The following CFAP74 variants were observed in gnomAD, a reference collection of about 807,000 sequenced individuals.
CFAP74 encodes cilia and flagella associated protein 74.
A neutral mutation model predicts 188.9 loss-of-function variants in CFAP74; 124 were observed. The ratio of observed to expected loss-of-function variants is 0.66; its 90% CI spans 0.57 to 0.76. CFAP74 has a LOEUF of 0.76. CFAP74 is among the 30% of genes least tolerant of loss of function. The probability of loss-of-function intolerance (pLI) is 0.00; values close to 1 mark genes in which losing one functional copy is unlikely to be tolerated. For missense variants in CFAP74, 2,198 were observed against 2,165.2 expected (o/e 1.02, Z -0.30); for synonymous variants, 956 against 916.7 (o/e 1.04, Z -0.77).
chr1:1,970,598 T>C (rs1379093285), intron 10 of CFAP74, 61 bp downstream of exon 10: 2 of 1,533,156 alleles, frequency 1.3e-6, no homozygotes, highest in African/African-American at 2.7e-5. Flanking sequence ...CCCCCTTGGC[T>C]CTCCCTGCAC....
chr1:1,933,888 C>T (rs1652611062), intron 25 of CFAP74, among the ~76,000 whole-genome samples: 1 of 152,186 alleles, frequency 6.6e-6, no homozygotes, highest in Non-Finnish European at 1.5e-5. Context: ...GATTTTCACA[C>T]CCTCTTTTCT....
At position 1,942,794 on chromosome 1, in the gene CFAP74, T is replaced by C. The variant is rs575119736; in HGVS notation, c.2487-638A>G. Among the ~76,000 whole-genome samples the C allele has an allele frequency of 6.6e-6, 1 of 152,202 alleles. No individual in the cohort carries two copies. Among genetic ancestry groups the C allele is most frequent in the South Asian group, 2.1e-4 (1 of 4,822 alleles). On this transcript the variant is annotated intron_variant, in intron 21 of 38. Transcript: ENST00000682832. This position sits in a 1 kb window ranked among gnomAD's most constrained non-coding sequence, Gnocchi z 4.3. ...CTCCCCTCCCCCGTCTTGGAGCCTC[T>C]GCTAAACAGTGTTGTGGCCGCCCCG...
At chr1:1,940,277 G>T (rs764917618) in intron 23 of CFAP74, 39 bp downstream of exon 23, 1 of 1,480,784 alleles carries the variant, frequency 6.8e-7, no homozygotes, top group South Asian at 1.2e-5. Flanking sequence ...CTGCTACCCA[G>T]GAGCGCCCAG....
At chr1:1,963,954 C>T in intron 13 of CFAP74, 87 bp from the exon 14 acceptor site, 2 of 849,056 alleles carry the variant, frequency 2.4e-6, no homozygotes, top group South Asian at 1.4e-5. Context: ...AAGGTAACCG[C>T]TGGTGAGCAT....
intron 6 of CFAP74, among the ~76,000 whole-genome samples, chr1:1,979,272 C>T (rs779213785): frequency 1.5e-5 from 1 of 68,300 alleles, no homozygotes; most frequent in Non-Finnish European, 3.3e-5. Flanking sequence ...CGTGGGAAGG[C>T]GTCATGTGAC....
At position 1,923,275 on chromosome 1, in the gene CFAP74, C is replaced by G. The variant is rs953572129; in HGVS notation, c.4522+92G>C. 1 of 1,498,308 alleles carries G rather than the reference C, an allele frequency of 6.7e-7. No individual in the cohort carries two copies. The highest frequency in any genetic ancestry group is 9.0e-7 in the Non-Finnish European group (1 of 1,115,820). The allele number at this position is 1,498,308 out of a possible 1,614,324, so 92.8% of individuals were successfully genotyped here. On this transcript the variant is annotated intron_variant, in intron 36 of 38. Coordinates refer to ENST00000682832, the MANE Select transcript of CFAP74 (RefSeq NM_001304360.2). The surrounding 1 kb of genome is among the most constrained non-coding windows in gnomAD (Gnocchi z 6.3). The stretch of plus-strand genomic sequence containing the variant: ...CTCTGGGGTAGAAGGCTGGGAATCC[C>G]TGCCCTGCTCCGCTGGGTCTCGGGG...
chr1:1,968,940 C>G lies in CFAP74; in HGVS notation c.1047-107G>C. ...CTCCCTAGCGCCCTCCTGGGGGCTC[C>G]GGTCCTGCCCAGCAGCCCCAGGTGA... On this transcript the variant is annotated intron_variant, in intron 10 of 38. Transcript: ENST00000682832. The surrounding 1 kb of genome is among the most constrained non-coding windows in gnomAD (Gnocchi z 4.3). The G allele has an allele frequency of 3.4e-6, 2 of 587,898 alleles. No homozygotes were observed. Among genetic ancestry groups the G allele is most frequent in the Non-Finnish European group, 5.2e-6 (2 of 382,490 alleles). The allele number at this position is 587,898 out of a possible 1,614,324, so 36.4% of individuals were successfully genotyped here.
intron 10 of CFAP74, among the ~76,000 whole-genome samples, chr1:1,969,283 C>T (rs1203843958): frequency 1.4e-5 from 2 of 140,016 alleles, no homozygotes; most frequent in African/African-American, 2.7e-5. Context: ...CTGCCCTGCC[C>T]AGCCCAGGCC....
chr1:1,943,406 C>T (rs926130800), intron 21 of CFAP74, among the ~76,000 whole-genome samples: 1 of 152,220 alleles, frequency 6.6e-6, no homozygotes, highest in South Asian at 2.1e-4. Context: ...GGACAGGCGC[C>T]GCGGGAGCTG....
At chr1:2,003,568 A>C (rs1658306555) in intron 1 of CFAP74, 133 bp downstream of exon 1, 1 of 152,194 alleles carries the variant, frequency 6.6e-6, no homozygotes, top group African/African-American at 2.4e-5. Flanking sequence ...GACTAGAACT[A>C]TTAACAAAGT....
intron 22 of CFAP74, among the ~76,000 whole-genome samples, chr1:1,941,432 C>T (rs530506958): frequency 1.3e-5 from 2 of 152,364 alleles, no homozygotes; most frequent in East Asian, 3.9e-4. Flanking sequence ...AATCAAAGTT[C>T]ACCTGGCAAA....
At chr1:1,929,013 C>T (rs1163382691) in intron 26 of CFAP74, 131 bp from the exon 27 acceptor site, 11 of 626,830 alleles carry the variant, frequency 1.8e-5, no homozygotes, top group Admixed American at 2.8e-5. Context: ...TTTCAGGCTG[C>T]GTGCCCCTTC....
Position 1,923,732 on chromosome 1 carries a change from G to A in CFAP74, c.4389+43C>T. 1 of 1,611,868 alleles carries A rather than the reference G, an allele frequency of 6.2e-7. No individual in the cohort carries two copies. The highest frequency in any genetic ancestry group is 8.5e-7 in the Non-Finnish European group (1 of 1,179,046). On this transcript the variant is annotated intron_variant, in intron 35 of 38. Coordinates refer to ENST00000682832, the MANE Select transcript of CFAP74 (RefSeq NM_001304360.2). This position sits in a 1 kb window ranked among gnomAD's most constrained non-coding sequence, Gnocchi z 6.3. Reference sequence around the variant, plus strand: ...AGCCAAAGGCAAGGCCCTGCGTGGGGCCAGGGCCGGGCCGGGCTGAGCTTG... The same window carrying A: ...AGCCAAAGGCAAGGCCCTGCGTGGGACCAGGGCCGGGCCGGGCTGAGCTTG...
chr1:1,954,920 G>C (rs996044803), intron 18 of CFAP74: 1 of 1,189,416 alleles, frequency 8.4e-7, no homozygotes, highest in African/African-American at 1.6e-5. Context: ...CTTCGCAACA[G>C]TGTGTACCAC....
At chr1:1,965,413 G>C (rs1000139697) in intron 12 of CFAP74, among the ~76,000 whole-genome samples, 7 of 152,218 alleles carry the variant, frequency 4.6e-5, no homozygotes, top group African/African-American at 1.7e-4. Context: ...CAAGAGGAAG[G>C]TTTTGAAAGG....
intron 1 of CFAP74, among the ~76,000 whole-genome samples, chr1:1,994,705 G>T (rs1216543191): frequency 6.6e-6 from 1 of 152,164 alleles, no homozygotes. Flanking sequence ...CTTCTAAAAG[G>T]TGTCATTGCA....
At chr1:1,926,130 G>C in intron 32 of CFAP74, 98 bp downstream of exon 32, 1 of 1,444,866 alleles carries the variant, frequency 6.9e-7, no homozygotes, top group Non-Finnish European at 9.1e-7. Context: ...CTTAGTCCCA[G>C]GCCTGAGCAC....
chr1:1,963,982 G>C (rs1655286249), intron 13 of CFAP74, 115 bp from the exon 14 acceptor site: 3 of 728,578 alleles, frequency 4.1e-6, no homozygotes, highest in African/African-American at 1.8e-5. Context: ...CTAGGGAGAG[G>C]TTCCCAGGGA....
intron 12 of CFAP74, among the ~76,000 whole-genome samples, chr1:1,965,988 C>T (rs576767204): frequency 3.6e-4 from 55 of 152,362 alleles, no homozygotes; most frequent in African/African-American, 1.2e-3. Context: ...AAAAGGCCGT[C>T]AAAGAAAGTT....
Sources: gnomAD v4.1 joint callset for allele counts (sites outside exome capture counted in the v4.1 genomes callset) on GRCh38, gnomAD v4.1.1 for gene constraint, Gnocchi (gnomAD v3.1) non-coding constraint, MANE v1.5 for transcripts, NCBI Gene and HGNC (gene_info 2026-07-23, HGNC 2026-07-21) for gene names.